Variants in ORC2 observed in about 807,000 individuals in gnomAD.
ORC2 encodes the protein origin recognition complex subunit 2.
In ORC2, 37 loss-of-function variants were observed where a neutral mutation model predicts 77.7. The observed-to-expected ratio is 0.48, with a 90% CI of 0.37 to 0.63. The LOEUF is 0.63. Ranked by LOEUF, ORC2 falls within the 20% of genes least tolerant of loss-of-function variation. The pLI is 0.00. For synonymous variants in ORC2, 201 were observed against 229.5 expected, an observed-to-expected ratio of 0.88 and a Z score of 1.12; for missense variants, 557 against 661.9, an observed-to-expected ratio of 0.84 and a Z score of 1.74.
Position 200,963,607 on chromosome 2 carries a change from A to G in ORC2, c.-177T>C. The G allele has an allele frequency of 2.5e-6, 1 of 398,544 alleles. No individual in the cohort carries two copies. The highest frequency in any genetic ancestry group is 4.4e-6 in the Non-Finnish European group (1 of 226,004). The allele number at this position is 398,544 out of a possible 1,614,324, so 24.7% of individuals were successfully genotyped here. A position where few individuals can be genotyped will look rare whatever the true frequency, so the allele number is the denominator to read the frequency against. Reference sequence around the variant, plus strand: ...CCAACGGGAAAAGCCAATTTCCAGTAATTCGCGCCCGACCACCGGGGAGGT... The same window carrying G: ...CCAACGGGAAAAGCCAATTTCCAGTGATTCGCGCCCGACCACCGGGGAGGT... On this transcript the variant is annotated 5_prime_UTR_variant, in exon 1 of 18. Transcript: ENST00000234296.
At chr2:200,944,787 G>A (rs754462796) in intron 5 of ORC2, among the ~76,000 whole-genome samples, 6 of 152,098 alleles carry the variant, frequency 3.9e-5, no homozygotes, top group Admixed American at 2.0e-4. Context: ...TTCTCCTCCC[G>A]CCTCGGCCTC....
At chr2:200,923,659 T>C (rs759893252) in intron 13 of ORC2, among the ~76,000 whole-genome samples, 4 of 152,312 alleles carry the variant, frequency 2.6e-5, no homozygotes, top group African/African-American at 9.6e-5. Flanking sequence ...AGGTATTTTT[T>C]CCCCAAGGCA....
intron 16 of ORC2, 163 bp downstream of exon 16, chr2:200,913,768 T>C: frequency 7.1e-7 from 1 of 1,407,894 alleles, no homozygotes; most frequent in Non-Finnish European, 9.2e-7. Context: ...GCAGTGGATC[T>C]GTAGAGCTGC....
intron 10 of ORC2, among the ~76,000 whole-genome samples, chr2:200,933,228 T>C (rs1049406607): frequency 7.0e-6 from 1 of 143,076 alleles, no homozygotes; most frequent in Non-Finnish European, 1.5e-5. Flanking sequence ...TGTATGGTAT[T>C]TTTTTTTTTT....
Position 200,910,483 on chromosome 2 carries a change from A to T in ORC2, c.*818T>A, listed in dbSNP as rs2239554. ...AGAAAAGAAAAATATGTCAATATAC[A>T]AGAATAATGAAATGTTTTATTTTTT... On this transcript the variant is annotated 3_prime_UTR_variant, in exon 18 of 18. Coordinates refer to ENST00000234296, the MANE Select transcript of ORC2 (RefSeq NM_006190.5). 1 of 152,366 alleles carries T rather than the reference A, an allele frequency of 6.6e-6. No homozygotes were observed. The highest frequency in any genetic ancestry group is 1.9e-4 in the East Asian group (1 of 5,194). The allele number at this position is 152,366 out of a possible 1,614,324, so 9.4% of individuals were successfully genotyped here.
chr2:200,961,391 A>C (rs919533841), intron 1 of ORC2, among the ~76,000 whole-genome samples: 1 of 152,100 alleles, frequency 6.6e-6, no homozygotes, highest in African/African-American at 2.4e-5. Flanking sequence ...AGCTCAAGCA[A>C]TCTGCCCACC....
chr2:200,936,205 C>G (rs1054074201), intron 8 of ORC2, among the ~76,000 whole-genome samples: 2 of 152,192 alleles, frequency 1.3e-5, no homozygotes, highest in African/African-American at 2.4e-5. Context: ...CTTCCCTCTT[C>G]CTTGCTAACA....
rs927738225 is a variant in ORC2, at chr2:200,931,000, AT to A, written c.917+338del. Among the ~76,000 whole-genome samples, 30 of 151,684 alleles carry A rather than the reference AT, an allele frequency of 2.0e-4. No homozygotes were observed. In the East Asian group the frequency reaches 3.5e-3, roughly 18 times the overall value. ...GAACTATGCTGTGGAAAACTTTATA[AT>A]TTTTTTTTCTAATTGTTATATTTAT... On this transcript the variant is annotated intron_variant, in intron 11 of 17. Transcript: ENST00000234296.
intron 8 of ORC2, 61 bp downstream of exon 8, chr2:200,937,838 CTTAACTA>C (rs1559015657): frequency 1.7e-5 from 18 of 1,043,086 alleles, no homozygotes; most frequent in Non-Finnish European, 2.2e-5. Flanking sequence ...AACCTATATA[CTTAACTA>C]TTATTGCCTC....
chr2:200,911,783 C>T (rs564046237), intron 17 of ORC2, among the ~76,000 whole-genome samples: 1 of 152,178 alleles, frequency 6.6e-6, no homozygotes, highest in Non-Finnish European at 1.5e-5. Flanking sequence ...GTAACCCTCA[C>T]TACACACCTT....
chr2:200,926,989 AT>A lies in ORC2; in HGVS notation c.918-90del, dbSNP rs2040847674. 4 of 1,383,990 alleles carry A rather than the reference AT, an allele frequency of 2.9e-6. No individual in the cohort carries two copies. The East Asian group carries it at 9.2e-5, about 32-fold the overall frequency. The allele number at this position is 1,383,990 out of a possible 1,614,324, so 85.7% of individuals were successfully genotyped here. ...CAACCAGTTTCCTTAAATTCAGTTT[AT>A]AAAAAATACAGGAAAGGGGTAGGCG... On this transcript the variant is annotated intron_variant, in intron 11 of 17. Transcript: ENST00000234296.
At chr2:200,921,972 G>A (rs759267767) in intron 13 of ORC2, among the ~76,000 whole-genome samples, 25 of 151,920 alleles carry the variant, frequency 1.6e-4, no homozygotes, top group Non-Finnish European at 2.8e-4. Flanking sequence ...TGGGAAATAG[G>A]CAAGATGTAT....
chr2:200,934,052 G>T, intron 9 of ORC2, 78 bp from the exon 10 acceptor site: 1 of 680,244 alleles, frequency 1.5e-6, no homozygotes, highest in Non-Finnish European at 2.5e-6. Context: ...TAATATTAAT[G>T]TAAAATAGGA....
intron 16 of ORC2, 162 bp downstream of exon 16, chr2:200,913,769 G>T (rs1405557362): frequency 7.1e-7 from 1 of 1,409,932 alleles, no homozygotes; most frequent in Non-Finnish European, 9.2e-7. Context: ...CAGTGGATCT[G>T]TAGAGCTGCT....
At position 200,942,739 on chromosome 2, in the gene ORC2, A is replaced by C. The variant is rs564407810; in HGVS notation, c.367T>G (p.Phe123Val). ...LAKTPQKSVS[F>V]SLKNDPEITI... is the part of the protein sequence containing the mutation. ...ATCTCAGGATCATTCTTCAAACTGAATGAAACACTTTTTTGTGGTGTTTTT... is the reference window on the plus strand; with the variant it reads ...ATCTCAGGATCATTCTTCAAACTGACTGAAACACTTTTTTGTGGTGTTTTT... The change falls in exon 6 of 18, where the codon TTC (phenylalanine) becomes GTC (valine). Residue 123 changes from phenylalanine (F) to valine (V), a missense_variant. Phe to Val is a conservative substitution (Grantham distance 50). Coordinates refer to ENST00000234296, the MANE Select transcript of ORC2 (RefSeq NM_006190.5). 1.2e-6 allele frequency: 2 copies of C among 1,610,972 alleles called. No individual in the cohort carries two copies. Among genetic ancestry groups the C allele is most frequent in the African/African-American group, 2.7e-5 (2 of 74,978 alleles).
In ORC2 at chr2:200,910,195, G is replaced by A. The variant is rs2040526789; in HGVS notation, c.*1106C>T. ...CTGACGTAGTACGTATTTTATTGCA[G>A]TGATATTTTCAGGAAGAACTTCATT... On this transcript the variant is annotated 3_prime_UTR_variant, in exon 18 of 18. Transcript: ENST00000234296. 1.3e-5 allele frequency: 2 copies of A among 152,206 alleles called. No individual in the cohort carries two copies. The highest frequency in any genetic ancestry group is 6.5e-5 in the Admixed American group (1 of 15,278). The allele number at this position is 152,206 out of a possible 1,614,324, so 9.4% of individuals were successfully genotyped here.
At chr2:200,934,851 T>C (rs1222810972) in intron 9 of ORC2, among the ~76,000 whole-genome samples, 1 of 152,194 alleles carries the variant, frequency 6.6e-6, no homozygotes, top group African/African-American at 2.4e-5. Flanking sequence ...GAAAGCTATT[T>C]AAGCAGTAGG....
At chr2:200,948,057 C>T (rs895689932) in intron 5 of ORC2, among the ~76,000 whole-genome samples, 3 of 151,814 alleles carry the variant, frequency 2.0e-5, no homozygotes, top group Non-Finnish European at 4.4e-5. Flanking sequence ...TACAGTCGCC[C>T]GCCACCACGC....
At chr2:200,941,124 AT>A (rs2041144003) in intron 7 of ORC2, 123 bp downstream of exon 7, 1 of 672,192 alleles carries the variant, frequency 1.5e-6, no homozygotes, top group Admixed American at 2.7e-5. Flanking sequence ...TAACTGCCAA[AT>A]ATCTGTAAAT....
Sources: gnomAD v4.1 joint callset for allele counts (sites outside exome capture counted in the v4.1 genomes callset) on GRCh38, gnomAD v4.1.1 for gene constraint, MANE v1.5 for transcripts, NCBI Gene and HGNC (gene_info 2026-07-23, HGNC 2026-07-21) for gene names.